Variants in RNF130 observed in about 807,000 individuals in gnomAD.
RNF130 encodes the protein ring finger protein 130, also known as E3 ubiquitin-protein ligase RNF130.
In RNF130, 21 loss-of-function variants were observed where a neutral mutation model predicts 44.6. The ratio of observed to expected loss-of-function variants is 0.47; its 90% CI spans 0.33 to 0.68. RNF130 has a LOEUF of 0.68. Ranked by LOEUF, RNF130 falls within the 30% of genes least tolerant of loss-of-function variation. The pLI, the probability that RNF130 is intolerant of heterozygous loss-of-function variation, is 0.02. For synonymous variants in RNF130, 214 were observed against 210.4 expected (o/e 1.02, Z -0.15); for missense variants, 479 against 560.6 (o/e 0.85, Z 1.47).
chr5:179,978,101 G>C (rs1762757264), intron 5 of RNF130, 102 bp downstream of exon 5: 1 of 965,528 alleles, frequency 1.0e-6, no homozygotes, highest in Non-Finnish European at 1.7e-6. Flanking sequence ...AGAAAGCCAC[G>C]AGGTGGGTGG....
chr5:179,917,864 G>T (rs936100493), exon 8 of RNF130: 3 of 152,114 alleles, frequency 2.0e-5, no homozygotes, highest in Non-Finnish European at 4.4e-5. Context: ...AAATTAGCTG[G>T]GTGTGGTGGC....
chr5:180,064,279 G>C (rs995070723), intron 1 of RNF130, among the ~76,000 whole-genome samples: 4 of 151,922 alleles, frequency 2.6e-5, no homozygotes, highest in Admixed American at 6.6e-5. Flanking sequence ...TCTCAAATGA[G>C]AAAAAATAAA....
chr5:179,940,982 G>C (rs983857437), intron 7 of RNF130, among the ~76,000 whole-genome samples: 6 of 151,998 alleles, frequency 3.9e-5, no homozygotes, highest in Admixed American at 1.3e-4. Flanking sequence ...TTAAGTTGAT[G>C]TTAAACTCTC....
intron 2 of RNF130, among the ~76,000 whole-genome samples, chr5:180,032,533 GCTT>G (rs940754349): frequency 2.6e-5 from 4 of 152,138 alleles, no homozygotes; most frequent in African/African-American, 7.2e-5. Context: ...ACGAGGCCCG[GCTT>G]CTTTTTTTAA....
chr5:180,036,573 A>G (rs528704245), intron 2 of RNF130, among the ~76,000 whole-genome samples: 2 of 152,298 alleles, frequency 1.3e-5, no homozygotes, highest in African/African-American at 2.4e-5. Context: ...CAAAGCATAA[A>G]TGTGTCTCAG....
At chr5:179,984,314 C>T (rs886237455) in intron 3 of RNF130, among the ~76,000 whole-genome samples, 20 of 152,044 alleles carry the variant, frequency 1.3e-4, no homozygotes, top group Non-Finnish European at 2.6e-4. Flanking sequence ...TAAAGAACAA[C>T]GCAGAAACAG....
intron 1 of RNF130, among the ~76,000 whole-genome samples, chr5:180,045,123 T>C (rs1029050928): frequency 3.3e-5 from 5 of 152,180 alleles, no homozygotes; most frequent in African/African-American, 1.2e-4. Flanking sequence ...TAACAGAGCC[T>C]ACAACACTAT....
At chr5:179,938,394 AG>A (rs927630225) in intron 7 of RNF130, among the ~76,000 whole-genome samples, 2 of 151,268 alleles carry the variant, frequency 1.3e-5, no homozygotes, top group African/African-American at 4.9e-5. Flanking sequence ...GGTAGTTGTC[AG>A]GGGCCGGGGG....
chr5:180,062,755 T>G (rs1256185665), intron 1 of RNF130, among the ~76,000 whole-genome samples: 1 of 152,238 alleles, frequency 6.6e-6, no homozygotes, highest in Non-Finnish European at 1.5e-5. Context: ...TTGTTCAATC[T>G]TAACCTGTAC....
intron 8 of RNF130, among the ~76,000 whole-genome samples, chr5:179,960,479 G>A (rs542723338): frequency 9.8e-5 from 15 of 152,308 alleles, no homozygotes; most frequent in African/African-American, 3.1e-4. Context: ...TCAATGCACC[G>A]AGCGTGGTGA....
intron 7 of RNF130, among the ~76,000 whole-genome samples, chr5:179,931,741 C>T (rs1335104629): frequency 2.0e-5 from 3 of 151,472 alleles, no homozygotes; most frequent in Admixed American, 6.6e-5. Flanking sequence ...TGCCACTGCA[C>T]TCCAGCCTGG....
At chr5:179,948,184 C>G (rs1472184459) in intron 7 of RNF130, among the ~76,000 whole-genome samples, 2 of 152,180 alleles carry the variant, frequency 1.3e-5, no homozygotes, top group East Asian at 3.8e-4. Context: ...AACAGAAAAC[C>G]AACTATATCT....
chr5:180,052,771 C>T (rs570143993), intron 1 of RNF130, among the ~76,000 whole-genome samples: 1 of 152,098 alleles, frequency 6.6e-6, no homozygotes, highest in African/African-American at 2.4e-5. Flanking sequence ...TAAAATCAGT[C>T]CCTACGGAGG....
chr5:179,983,035 T>A (rs1471654460), intron 3 of RNF130, among the ~76,000 whole-genome samples: 2 of 152,210 alleles, frequency 1.3e-5, no homozygotes, highest in African/African-American at 4.8e-5. Flanking sequence ...TGTCTGTTCA[T>A]GTGTTTTGCC....
chr5:179,970,522 G>A lies in RNF130; in HGVS notation c.849-16C>T, dbSNP rs771241785. On this transcript the variant is annotated splice_polypyrimidine_tract_variant and intron_variant, in intron 5 of 8. Transcript: ENST00000521389. ...GAAAACATGCCTATAAAATAATGGAGAATTATGTCACAAGTTACATACCAA... is the reference window on the plus strand; with the variant it reads ...GAAAACATGCCTATAAAATAATGGAAAATTATGTCACAAGTTACATACCAA... The A allele has an allele frequency of 1.3e-6, 2 of 1,576,414 alleles. No homozygotes were observed. Among genetic ancestry groups the A allele is most frequent in the Non-Finnish European group, 1.7e-6 (2 of 1,154,660 alleles).
chr5:179,971,536 A>AT (rs1343276799), intron 5 of RNF130, among the ~76,000 whole-genome samples: 2 of 151,968 alleles, frequency 1.3e-5, no homozygotes, highest in South Asian at 4.1e-4. Context: ...CGCCCAGCCA[A>AT]TTTTTTGTAT....
downstream of RNF130, among the ~76,000 whole-genome samples, chr5:179,953,333 A>G (rs1305268704): frequency 1.3e-5 from 2 of 151,918 alleles, no homozygotes; most frequent in African/African-American, 4.8e-5. Context: ...GAGATTGAGA[A>G]GTTGATTCTA....
intron 3 of RNF130, among the ~76,000 whole-genome samples, chr5:179,999,696 G>C (rs772283617): frequency 6.6e-6 from 1 of 152,092 alleles, no homozygotes; most frequent in South Asian, 2.1e-4. Context: ...CAGCCTAGGC[G>C]AGCAAGCGAG....
At chr5:179,962,270 G>C (rs1026914804) in intron 8 of RNF130, among the ~76,000 whole-genome samples, 1 of 152,168 alleles carries the variant, frequency 6.6e-6, no homozygotes, top group Non-Finnish European at 1.5e-5. Flanking sequence ...AGATGCCAGG[G>C]GGCACTTCTT....
Sources: allele counts gnomAD v4.1 joint callset (sites outside exome capture counted in the v4.1 genomes callset), GRCh38; gene constraint gnomAD v4.1.1; transcripts MANE v1.5; gene names NCBI Gene and HGNC (gene_info 2026-07-23, HGNC 2026-07-21).